Variants in ERBIN observed in about 807,000 individuals in gnomAD.
ERBIN encodes the protein densin-180-like protein.
ERBIN carries 60 observed loss-of-function variants against 158.4 expected under a neutral mutation model. The ratio of observed to expected loss-of-function variants is 0.38; its 90% CI spans 0.31 to 0.47. ERBIN has a LOEUF of 0.47. Among genes scored for constraint, ERBIN ranks in the 20% least tolerant of loss-of-function variants. The pLI, the probability that ERBIN is intolerant of heterozygous loss-of-function variation, is 0.99. For synonymous variants in ERBIN, 594 were observed against 557.2 expected, an observed-to-expected ratio of 1.07 and a Z score of -0.93; for missense variants, 1,610 against 1,648.0, an observed-to-expected ratio of 0.98 and a Z score of 0.40.
intron 13 of ERBIN, among the ~76,000 whole-genome samples, chr5:66,027,470 A>G (rs1223432807): frequency 2.6e-5 from 4 of 151,950 alleles, no homozygotes; most frequent in African/African-American, 9.7e-5. Flanking sequence ...TGACCCTTGT[A>G]TTTGTGGGTT....
chr5:66,016,615 C>CTTTT (rs11323656), intron 7 of ERBIN, among the ~76,000 whole-genome samples: 4 of 124,194 alleles, frequency 3.2e-5, no homozygotes, highest in African/African-American at 8.6e-5. Flanking sequence ...TTCATGAGAT[C>CTTTT]TTTTTTTTTT....
chr5:66,015,142 T>C (rs1754582484), intron 7 of ERBIN, among the ~76,000 whole-genome samples: 1 of 152,198 alleles, frequency 6.6e-6, no homozygotes, highest in East Asian at 1.9e-4. Context: ...TAGTGTATTG[T>C]AAATTAGAAA....
intron 1 of ERBIN, among the ~76,000 whole-genome samples, chr5:65,952,045 A>G (rs868078902): frequency 3.9e-5 from 6 of 152,220 alleles, no homozygotes; most frequent in South Asian, 2.1e-4. Flanking sequence ...GAATGTAAAT[A>G]CAATTCAGAC....
At position 66,048,667 on chromosome 5, in the gene ERBIN, G is replaced by A. The variant is rs1253611814; in HGVS notation, c.1789G>A (p.Glu597Lys). Residue 597 changes from glutamate (E) to lysine (K), a missense_variant and splice_region_variant, in exon 19 of 26, where the codon GAA becomes AAA. This residue lies in a region of ERBIN where 596 missense variants were observed against 711.9 expected (regional missense o/e 0.84). Coordinates refer to ENST00000284037, the MANE Select transcript of ERBIN (RefSeq NM_001253697.2). ...HIVNHDDVFE[E>K]SEELSSDEEM... ...ATCCCCCTCACCCCCTTTTCACTAG[G>A]AATCTGAAGAACTTTCTTCTGATGA... 6.3e-7 allele frequency: 1 copy of A among 1,592,492 alleles called. No homozygotes were observed. The highest frequency in any genetic ancestry group is 8.6e-7 in the Non-Finnish European group (1 of 1,166,528).
At chr5:66,028,473 GA>G (rs1418088130) in intron 14 of ERBIN, 130 bp downstream of exon 14, 2 of 494,218 alleles carry the variant, frequency 4.0e-6, no homozygotes, top group East Asian at 3.5e-5. Flanking sequence ...TTTTATATAA[GA>G]AAAATCTCAA....
intron 21 of ERBIN, among the ~76,000 whole-genome samples, chr5:66,057,652 T>C (rs1759754005): frequency 6.6e-6 from 1 of 151,568 alleles, no homozygotes; most frequent in Non-Finnish European, 1.5e-5. Flanking sequence ...CTGCACCCAT[T>C]AACTCGTCAT....
intron 1 of ERBIN, among the ~76,000 whole-genome samples, chr5:65,985,952 G>A (rs562666990): frequency 1.1e-4 from 16 of 151,684 alleles, no homozygotes; most frequent in Admixed American, 2.0e-4. Flanking sequence ...TCCGCCTGGC[G>A]TTTAGAATAT....
At chr5:66,020,114 A>C (rs528550707) in intron 7 of ERBIN, among the ~76,000 whole-genome samples, 1 of 152,212 alleles carries the variant, frequency 6.6e-6, no homozygotes, top group Admixed American at 6.5e-5. Flanking sequence ...ATAGGCACTT[A>C]GTAAATCTAG....
At chr5:65,990,474 C>G (rs1179905702) in intron 2 of ERBIN, among the ~76,000 whole-genome samples, 2 of 151,976 alleles carry the variant, frequency 1.3e-5, no homozygotes. Flanking sequence ...GGAGACCATC[C>G]TGGCTAACAT....
At chr5:66,033,684 G>A (rs1757114044) in intron 14 of ERBIN, among the ~76,000 whole-genome samples, 1 of 152,192 alleles carries the variant, frequency 6.6e-6, no homozygotes, top group Non-Finnish European at 1.5e-5. Context: ...TACTCTTTAA[G>A]AAGGTTGGAT....
At chr5:65,969,663 T>C (rs1313530085) in intron 1 of ERBIN, among the ~76,000 whole-genome samples, 1 of 152,244 alleles carries the variant, frequency 6.6e-6, no homozygotes. Flanking sequence ...ATTAAAATTA[T>C]ATTGTCAAGT....
intron 13 of ERBIN, 99 bp from the exon 14 acceptor site, chr5:66,028,175 C>A: frequency 1.4e-6 from 1 of 734,932 alleles, no homozygotes; most frequent in Non-Finnish European, 2.1e-6. Flanking sequence ...TCATGTGCAA[C>A]TATATAGCAT....
intron 1 of ERBIN, among the ~76,000 whole-genome samples, chr5:65,932,778 A>G (rs780284560): frequency 6.6e-5 from 10 of 152,066 alleles, no homozygotes; most frequent in South Asian, 2.1e-4. Flanking sequence ...TAAGAATTCT[A>G]GTTTTTCATA....
chr5:66,003,028 G>A (rs527599894), intron 4 of ERBIN, among the ~76,000 whole-genome samples: 12 of 152,314 alleles, frequency 7.9e-5, no homozygotes, highest in South Asian at 4.1e-4. Flanking sequence ...CTACCATAGC[G>A]TAGGCATTAT....
At chr5:65,987,374 A>ACACACACACACACT (rs1738827538) in intron 1 of ERBIN, among the ~76,000 whole-genome samples, 1 of 151,038 alleles carries the variant, frequency 6.6e-6, no homozygotes, top group African/African-American at 2.4e-5. Context: ...GTCTACACAC[A>ACACACACACACACT]CACACACACA....
At chr5:66,009,582 T>C (rs1204212872) in intron 4 of ERBIN, among the ~76,000 whole-genome samples, 2 of 152,152 alleles carry the variant, frequency 1.3e-5, no homozygotes, top group Non-Finnish European at 2.9e-5. Flanking sequence ...TAAATTTCAT[T>C]GAGTTTAGAG....
intron 4 of ERBIN, among the ~76,000 whole-genome samples, chr5:66,010,842 G>C (rs1436107720): frequency 6.6e-6 from 1 of 152,122 alleles, no homozygotes; most frequent in African/African-American, 2.4e-5. Context: ...GCTTTTTAAA[G>C]TTGATCTGTG....
At chr5:65,998,539 A>G (rs931294221) in intron 4 of ERBIN, among the ~76,000 whole-genome samples, 6 of 151,902 alleles carry the variant, frequency 3.9e-5, no homozygotes, top group Admixed American at 3.3e-4. Flanking sequence ...GAATAAATTT[A>G]TTATTTAATT....
At chr5:66,000,365 C>CT (rs1314304570) in intron 4 of ERBIN, among the ~76,000 whole-genome samples, 2 of 152,098 alleles carry the variant, frequency 1.3e-5, no homozygotes, top group Non-Finnish European at 2.9e-5. Context: ...ATATCCTAGG[C>CT]TTTTGTATAA....
Sources: gnomAD v4.1 joint callset for allele counts (sites outside exome capture counted in the v4.1 genomes callset) on GRCh38, gnomAD v4.1.1 for gene constraint, gnomAD v4.1.1 regional missense constraint, MANE v1.5 for transcripts, NCBI Gene and HGNC (gene_info 2026-07-23, HGNC 2026-07-21) for gene names.